The following LAMB3 variants were observed in gnomAD, a reference collection of about 807,000 sequenced individuals.
LAMB3 encodes laminin subunit beta-3.
In LAMB3, 104 loss-of-function variants were observed where a neutral mutation model predicts 140.3. That is an observed-to-expected ratio of 0.74 (90% CI 0.63 to 0.87). The LOEUF (loss-of-function observed/expected upper bound fraction) is 0.87, where lower values mean the gene tolerates loss of function less well. Ranked by LOEUF, LAMB3 falls within the 40% of genes least tolerant of loss-of-function variation. The probability of loss-of-function intolerance (pLI) is 0.00; values close to 1 mark genes in which losing one functional copy is unlikely to be tolerated. For missense variants in LAMB3, 1,531 were observed against 1,575.2 expected (o/e 0.97, Z 0.47); for synonymous variants, 592 against 602.9 (o/e 0.98, Z 0.26).
intron 3 of LAMB3, 27 bp downstream of exon 3, chr1:209,649,937 C>T: frequency 1.2e-6 from 2 of 1,613,866 alleles, no homozygotes; most frequent in Non-Finnish European, 1.7e-6. Flanking sequence ...ATCCCGCCTT[C>T]CTCCAGTCCT....
At chr1:209,633,922 C>A (rs576376437) in intron 6 of LAMB3, among the ~76,000 whole-genome samples, 1 of 152,326 alleles carries the variant, frequency 6.6e-6, no homozygotes, top group East Asian at 1.9e-4. Flanking sequence ...AGTTTTTCTT[C>A]AGGCAGGTTC....
In LAMB3 at chr1:209,625,920, C is replaced by G; in HGVS notation, c.1704G>C (p.Gln568His). ...GLTGPRCDQC[Q>H]RGYCNRYPVC... ...CCGGGTAGCGATTACAGTAGCCTCG[C>G]TGGCACTGGTCACAGCGGGGCCCGG... The change falls in exon 14 of 23, where the codon CAG (glutamine) becomes CAC (histidine). Residue 568 changes from glutamine to histidine, a missense_variant. By Grantham distance (24) the Gln-to-His change is conservative. Coordinates refer to ENST00000356082, the MANE Select transcript of LAMB3 (RefSeq NM_000228.3). 1 of 1,613,868 alleles carries G rather than the reference C, an allele frequency of 6.2e-7. No individual in the cohort carries two copies. The highest frequency in any genetic ancestry group is 1.1e-5 in the South Asian group (1 of 91,082).
chr1:209,618,370 AC>A, intron 19 of LAMB3, 81 bp downstream of exon 19: 2 of 1,380,524 alleles, frequency 1.4e-6, no homozygotes. Context: ...AGCCCTCTGT[AC>A]CCCTCTCCCA....
Position 209,630,801 on chromosome 1 carries a change from C to T in LAMB3, c.823-66G>A, listed in dbSNP as rs1219951320. The T allele has an allele frequency of 4.5e-6, 7 of 1,572,086 alleles. No individual in the cohort carries two copies. The African/African-American group carries it at 6.8e-5, about 15-fold the overall frequency. On this transcript the variant is annotated intron_variant, in intron 8 of 22. Coordinates refer to ENST00000356082, the MANE Select transcript of LAMB3 (RefSeq NM_000228.3). ...GAAGGGCACCAGGGATGGACCTGCCCACTGCCCTCTGACCCTCTGCGCACC... is the reference window on the plus strand; with the variant it reads ...GAAGGGCACCAGGGATGGACCTGCCTACTGCCCTCTGACCCTCTGCGCACC...
rs79611919 is a variant in LAMB3 at position 209,644,167 on chromosome 1, G to A, written c.184-5519C>T. 3.7e-4 allele frequency among the ~76,000 whole-genome samples: 57 copies of A among 152,358 alleles called. No homozygotes were observed. The East Asian group carries it at 0.011, about 28-fold the overall frequency. On this transcript the variant is annotated intron_variant, in intron 3 of 22. Transcript: ENST00000356082. ...TTCTATGTCAATGCATATTGGCAATGAAGATCAAAAGGCAGCACCTAGTGC... is the reference window on the plus strand; with the variant it reads ...TTCTATGTCAATGCATATTGGCAATAAAGATCAAAAGGCAGCACCTAGTGC...
In LAMB3 at chr1:209,632,634, A is replaced by G. The variant is rs780435765; in HGVS notation, c.771T>C (p.Asp257=). ...QGSCFCHGHA[D]RCAPKPGASA... ...AGGCCCCAGGCTTGGGTGCGCAGCG[A>G]TCAGCATGGCCGTGACAGAAGCAGC... is the stretch of plus-strand genomic sequence containing the variant. The change falls in exon 8 of 23, where the codon GAT becomes GAC. Residue 257 remains aspartate (D), a synonymous_variant. Transcript: ENST00000356082. 1.9e-6 allele frequency: 3 copies of G among 1,614,112 alleles called. No individual in the cohort carries two copies. Among genetic ancestry groups the G allele is most frequent in the Non-Finnish European group, 2.5e-6 (3 of 1,179,960 alleles).
In LAMB3 at chr1:209,623,627, G is replaced by C; in HGVS notation, c.2236C>G (p.Arg746Gly). The change falls in exon 16 of 23, where the codon CGG (arginine) becomes GGG (glycine). Residue 746 changes from arginine to glycine, a missense_variant. Transcript: ENST00000356082. The surrounding 1 kb of genome is among the most constrained non-coding windows in gnomAD (Gnocchi z 4.2). ...SRLLDQLRDS[R>G]REAERLVRQA... ...CGCACCAGCCTCTCTGCCTCTCTCC[G>C]GCTGTCCCTGAGCTGGTCCAAAAGG... 3 of 1,614,200 alleles carry C rather than the reference G, an allele frequency of 1.9e-6. No individual in the cohort carries two copies. Among genetic ancestry groups the C allele is most frequent in the Non-Finnish European group, 1.7e-6 (2 of 1,180,034 alleles).
At chr1:209,621,559 T>C (rs1389330218) in intron 18 of LAMB3, among the ~76,000 whole-genome samples, 1 of 152,220 alleles carries the variant, frequency 6.6e-6, no homozygotes, top group African/African-American at 2.4e-5. Flanking sequence ...GAACCAGAAA[T>C]CTAACAATAT....
At chr1:209,624,998 T>C (rs1052811561) in intron 14 of LAMB3, among the ~76,000 whole-genome samples, 9 of 151,524 alleles carry the variant, frequency 5.9e-5, no homozygotes, top group Non-Finnish European at 1.2e-4. Context: ...GGAAGGTAGG[T>C]TGGTTTTCAA....
At chr1:209,637,833 G>C in intron 5 of LAMB3, 75 bp downstream of exon 5, 2 of 1,165,320 alleles carry the variant, frequency 1.7e-6, no homozygotes, top group Non-Finnish European at 2.5e-6. Flanking sequence ...CAAGGACACT[G>C]TGCTCCTCCA....
At chr1:209,618,334 A>G (rs2102406347) in intron 19 of LAMB3, 118 bp downstream of exon 19, 1 of 1,056,848 alleles carries the variant, frequency 9.5e-7, no homozygotes, top group Non-Finnish European at 1.4e-6. Context: ...ACTCTCCACC[A>G]TGGTAAGCAC....
rs997734244 is a variant in LAMB3 at position 209,649,945 on chromosome 1, C to T, written c.183+19G>A. 1.2e-6 allele frequency: 2 copies of T among 1,613,882 alleles called. No individual in the cohort carries two copies. Among genetic ancestry groups the T allele is most frequent in the African/African-American group, 2.7e-5 (2 of 74,914 alleles). ...CCCTCCCATCCCGCCTTCCTCCAGT[C>T]CTGGGAAGTAGGGCCTACCTCGCCA... On this transcript the variant is annotated intron_variant, in intron 3 of 22. Coordinates refer to ENST00000356082, the MANE Select transcript of LAMB3 (RefSeq NM_000228.3).
At chr1:209,643,807 CAA>C (rs201651712) in intron 3 of LAMB3, among the ~76,000 whole-genome samples, 37 of 99,726 alleles carry the variant, frequency 3.7e-4, no homozygotes, top group East Asian at 5.2e-4. Context: ...GGGCCAAAAG[CAA>C]AAAAAAAAAA....
intron 5 of LAMB3, among the ~76,000 whole-genome samples, chr1:209,634,886 T>C (rs2102439353): frequency 6.6e-6 from 1 of 151,400 alleles, no homozygotes; most frequent in Non-Finnish European, 1.5e-5. Flanking sequence ...ATTTCTCTGC[T>C]CCTACACTTC....
Position 209,630,795 on chromosome 1 carries a change from C to T in LAMB3, c.823-60G>A, listed in dbSNP as rs1232336394. ...AACAAAGAAGGGCACCAGGGATGGA[C>T]CTGCCCACTGCCCTCTGACCCTCTG... On this transcript the variant is annotated intron_variant, in intron 8 of 22. Coordinates refer to ENST00000356082, the MANE Select transcript of LAMB3 (RefSeq NM_000228.3). 5 of 1,584,662 alleles carry T rather than the reference C, an allele frequency of 3.2e-6. No homozygotes were observed. In the Middle Eastern group the frequency reaches 8.7e-4, roughly 276 times the overall value.
At chr1:209,640,813 G>T (rs1015935805) in intron 3 of LAMB3, among the ~76,000 whole-genome samples, 9 of 152,034 alleles carry the variant, frequency 5.9e-5, no homozygotes, top group African/African-American at 1.7e-4. Context: ...CAGGCGCGGT[G>T]GCTCACGCCT....
chr1:209,645,033 A>G (rs2076503667), intron 3 of LAMB3, among the ~76,000 whole-genome samples: 1 of 152,170 alleles, frequency 6.6e-6, no homozygotes, highest in Non-Finnish European at 1.5e-5. Context: ...TTCCCATTTC[A>G]CATTTCTCCT....
chr1:209,620,345 G>T (rs1187091901), intron 18 of LAMB3, among the ~76,000 whole-genome samples: 2 of 152,166 alleles, frequency 1.3e-5, no homozygotes, highest in African/African-American at 2.4e-5. Flanking sequence ...GATGGCCATG[G>T]AAGGGGCCCC....
chr1:209,643,377 C>T (rs1404365928), intron 3 of LAMB3, among the ~76,000 whole-genome samples: 1 of 152,250 alleles, frequency 6.6e-6, no homozygotes, highest in Non-Finnish European at 1.5e-5. Flanking sequence ...ATTTGGCTGG[C>T]ATTCTCCTGG....
Sources: allele counts gnomAD v4.1 joint callset (sites outside exome capture counted in the v4.1 genomes callset), GRCh38; gene constraint gnomAD v4.1.1; non-coding constraint Gnocchi (gnomAD v3.1); transcripts MANE v1.5; gene names NCBI Gene and HGNC (gene_info 2026-07-23, HGNC 2026-07-21).